Variants in BAHD1 observed in about 807,000 individuals in gnomAD.
BAHD1 encodes the protein bromo adjacent homology domain-containing 1 protein.
BAHD1 carries 20 observed loss-of-function variants against 63.1 expected under a neutral mutation model. The ratio of observed to expected loss-of-function variants is 0.32; its 90% CI spans 0.22 to 0.46. The LOEUF is 0.46. Among genes scored for constraint, BAHD1 ranks in the 20% least tolerant of loss-of-function variants. The pLI, the probability that BAHD1 is intolerant of heterozygous loss-of-function variation, is 1.00. For missense variants in BAHD1, 939 were observed against 1,071.8 expected, an observed-to-expected ratio of 0.88 and a Z score of 1.73; for synonymous variants, 408 against 426.8, an observed-to-expected ratio of 0.96 and a Z score of 0.54.
Position 40,458,180 on chromosome 15 carries a change from C to T in BAHD1, c.-14-271C>T, listed in dbSNP as rs1418983525. 6.6e-6 allele frequency among the ~76,000 whole-genome samples: 1 copy of T among 152,112 alleles called. No homozygotes were observed. Among genetic ancestry groups the T allele is most frequent in the African/African-American group, 2.4e-5 (1 of 41,400 alleles). On this transcript the variant is annotated intron_variant, in intron 1 of 6. Transcript: ENST00000416165. This position sits in a 1 kb window ranked among gnomAD's most constrained non-coding sequence, Gnocchi z 4.7. ...TCCTATCCCCTGTCCCTGGGGTCTG[C>T]CTTGCTCCCTAGGCTCTTCAGGGGC...
chr15:40,459,982 C>G, intron 2 of BAHD1, 86 bp downstream of exon 2: 1 of 1,438,028 alleles, frequency 7.0e-7, no homozygotes, highest in Non-Finnish European at 9.1e-7. Context: ...GAGCAGGGGT[C>G]TCCCTTGGGG....
intron 1 of BAHD1, among the ~76,000 whole-genome samples, chr15:40,449,196 A>G (rs769258593): frequency 6.6e-6 from 1 of 152,340 alleles, no homozygotes. Flanking sequence ...TGTTGGGAAG[A>G]TAAATGAGAT....
intron 1 of BAHD1, chr15:40,453,660 A>G (rs1289267401): frequency 6.6e-6 from 1 of 152,224 alleles, no homozygotes; most frequent in Non-Finnish European, 1.5e-5. Context: ...CTCATTAAAA[A>G]TAAACCGGGC....
At chr15:40,449,126 C>T (rs1362961045) in intron 1 of BAHD1, among the ~76,000 whole-genome samples, 1 of 152,156 alleles carries the variant, frequency 6.6e-6, no homozygotes, top group South Asian at 2.1e-4. Flanking sequence ...TTCCTTTTAA[C>T]TCTTTGTACC....
Position 40,458,904 on chromosome 15 carries a change from G to A in BAHD1, c.440G>A (p.Arg147Gln), listed in dbSNP as rs746569520. 2.9e-5 allele frequency: 47 copies of A among 1,597,948 alleles called. No homozygotes were observed. The highest frequency in any genetic ancestry group is 4.5e-5 in the East Asian group (2 of 44,690). Reference sequence around the variant, plus strand: ...AGCCTGGCAGGCACCCGCCGCAGTCGAGCAGGGGATCCCCACCGCAGCCGT... The same window carrying A: ...AGCCTGGCAGGCACCCGCCGCAGTCAAGCAGGGGATCCCCACCGCAGCCGT... ...TSSLAGTRRSRAGDPHRSRDR... is the reference protein window; with the variant it reads ...TSSLAGTRRSQAGDPHRSRDR... The change falls in exon 2 of 7, where the codon CGA (arginine) becomes CAA (glutamine). Residue 147 changes from arginine to glutamine, a missense_variant. Arg to Gln is a conservative substitution (Grantham distance 43, BLOSUM62 1). This residue lies in a region of BAHD1 where 797 missense variants were observed against 813.3 expected (regional missense o/e 0.98). Transcript: ENST00000416165. The surrounding 1 kb of genome is among the most constrained non-coding windows in gnomAD (Gnocchi z 4.7).
chr15:40,451,163 A>AC (rs891759300), intron 1 of BAHD1, among the ~76,000 whole-genome samples: 28 of 151,886 alleles, frequency 1.8e-4, no homozygotes, highest in African/African-American at 5.1e-4. Context: ...AAAAAAAAAA[A>AC]AAAAAAAAAC....
At chr15:40,442,625 G>T (rs1290293169) in intron 1 of BAHD1, among the ~76,000 whole-genome samples, 1 of 152,088 alleles carries the variant, frequency 6.6e-6, no homozygotes, top group Non-Finnish European at 1.5e-5. Context: ...CAGAAGACTA[G>T]TTTGATTAGG....
intron 1 of BAHD1, among the ~76,000 whole-genome samples, chr15:40,448,039 C>A (rs890000451): frequency 2.0e-5 from 3 of 152,190 alleles, no homozygotes; most frequent in Admixed American, 6.5e-5. Context: ...GTCAGGAGAT[C>A]GAGACCATCC....
chr15:40,444,015 C>T (rs1035622681), intron 1 of BAHD1, among the ~76,000 whole-genome samples: 1 of 152,170 alleles, frequency 6.6e-6, no homozygotes, highest in Non-Finnish European at 1.5e-5. Context: ...CCCGCCTGAG[C>T]TCATGACTCT....
rs534841257 is a variant in BAHD1 at position 40,445,668 on chromosome 15, C to T, written c.-15+4400C>T. ...TTATGGAGCATTATACGAACAGCCC[C>T]GACATTAAAGGGCCTCCTTTTTATG... On this transcript the variant is annotated intron_variant, in intron 1 of 6. Transcript: ENST00000416165. 3.3e-5 allele frequency among the ~76,000 whole-genome samples: 5 copies of T among 152,256 alleles called. No individual in the cohort carries two copies. The East Asian group carries it at 7.7e-4, about 23-fold the overall frequency.
At chr15:40,439,323 C>T (rs1191514273), upstream of BAHD1, among the ~76,000 whole-genome samples, 1 of 152,186 alleles carries the variant, frequency 6.6e-6, no homozygotes, top group East Asian at 1.9e-4. Flanking sequence ...TCTGGGCCCC[C>T]TGGACAGCTC....
chr15:40,447,560 GAATAAATA>G (rs145969802), intron 1 of BAHD1, among the ~76,000 whole-genome samples: 15,019 of 138,544 alleles, frequency 0.11, 940 homozygotes, highest in African/African-American at 0.14. Context: ...TCTGTCTCCA[GAATAAATA>G]AATAAATAAA....
At chr15:40,452,284 TC>T (rs1893728826) in intron 1 of BAHD1, among the ~76,000 whole-genome samples, 3 of 152,216 alleles carry the variant, frequency 2.0e-5, no homozygotes, top group African/African-American at 7.2e-5. Context: ...CTGCTCTCTC[TC>T]TCTCTTTGAG....
At chr15:40,463,718 C>CA in intron 3 of BAHD1, 143 bp from the exon 4 acceptor site, 1 of 898,774 alleles carries the variant, frequency 1.1e-6, no homozygotes, top group Non-Finnish European at 1.7e-6. Flanking sequence ...CAGCCCCATC[C>CA]AAAAAAGGAT....
rs776672518 is a variant in BAHD1, at chr15:40,466,106, G to A, written c.2319G>A (p.Gly773=). Residue 773 remains glycine, a synonymous_variant, in exon 7 of 7, where the codon GGG becomes GGA. Coordinates refer to ENST00000416165, the MANE Select transcript of BAHD1 (RefSeq NM_014952.5). The stretch of plus-strand genomic sequence containing the variant: ...GCCATGTCTATGACTTCCGCCACGG[G>A]CGCATCCTTAAGAACCCCCAGTAGC... ...LCRHVYDFRH[G]RILKNPQ 20 of 1,613,784 alleles carry A rather than the reference G, an allele frequency of 1.2e-5. No homozygotes were observed. The highest frequency in any genetic ancestry group is 1.7e-5 in the Admixed American group (1 of 59,996).
At chr15:40,438,890 G>A (rs543079739), upstream of BAHD1, among the ~76,000 whole-genome samples, 1 of 152,364 alleles carries the variant, frequency 6.6e-6, no homozygotes, top group East Asian at 1.9e-4. Flanking sequence ...CAGGAGCCCG[G>A]CCTCTCTTCT....
chr15:40,466,727 A>T lies in BAHD1; in HGVS notation c.*597A>T, dbSNP rs1040075552. On this transcript the variant is annotated 3_prime_UTR_variant, in exon 7 of 7. Coordinates refer to ENST00000416165, the MANE Select transcript of BAHD1 (RefSeq NM_014952.5). ...CTCTGGCTTTCCTCCTTTGCCCTGC[A>T]GTAGCAACTGGTGCTGGGACAAGTT... 6.6e-6 allele frequency: 1 copy of T among 152,604 alleles called. No individual in the cohort carries two copies. Among genetic ancestry groups the T allele is most frequent in the Non-Finnish European group, 1.5e-5 (1 of 68,126 alleles). The allele number at this position is 152,604 out of a possible 1,614,324, so 9.5% of individuals were successfully genotyped here.
chr15:40,450,957 G>GAGGCC (rs1893681725), intron 1 of BAHD1, among the ~76,000 whole-genome samples: 2 of 151,930 alleles, frequency 1.3e-5, no homozygotes, highest in South Asian at 4.2e-4. Context: ...GGCCAACATG[G>GAGGCC]TGAAAACCCG....
chr15:40,456,869 C>T (rs922211460), intron 1 of BAHD1, among the ~76,000 whole-genome samples: 3 of 152,212 alleles, frequency 2.0e-5, no homozygotes, highest in African/African-American at 7.2e-5. Flanking sequence ...TGGCACCTTA[C>T]TTGCCAGCCC....
Sources: allele counts gnomAD v4.1 joint callset (sites outside exome capture counted in the v4.1 genomes callset), GRCh38; gene constraint gnomAD v4.1.1; regional missense constraint gnomAD v4.1.1; non-coding constraint Gnocchi (gnomAD v3.1); transcripts MANE v1.5; gene names NCBI Gene and HGNC (gene_info 2026-07-23, HGNC 2026-07-21).